The following WDR7 variants were observed in gnomAD, a reference collection of about 807,000 sequenced individuals.
WDR7 encodes the protein WD repeat-containing protein 7.
In WDR7, 46 loss-of-function variants were observed where a neutral mutation model predicts 169.4. The observed-to-expected ratio is 0.27, with a 90% CI of 0.21 to 0.35. WDR7 has a LOEUF of 0.35. Ranked by LOEUF, WDR7 falls within the 10% of genes least tolerant of loss-of-function variation. The probability of loss-of-function intolerance (pLI) is 1.00; values close to 1 mark genes in which losing one functional copy is unlikely to be tolerated. For synonymous variants in WDR7, 612 were observed against 666.8 expected (o/e 0.92, Z 1.27); for missense variants, 1,534 against 1,859.3 (o/e 0.83, Z 3.22).
chr18:56,708,286 G>A (rs1352240475), intron 12 of WDR7, among the ~76,000 whole-genome samples: 1 of 151,902 alleles, frequency 6.6e-6, no homozygotes, highest in African/African-American at 2.4e-5. Context: ...TGCCCACATC[G>A]GCCTCCCAAA....
At chr18:56,699,929 C>G in intron 12 of WDR7, 1 of 950,220 alleles carries the variant, frequency 1.1e-6, no homozygotes. Context: ...ATTTATCATC[C>G]TTTCTTTCCC....
chr18:57,031,113 G>A (rs940986789), downstream of WDR7: 2 of 152,066 alleles, frequency 1.3e-5, no homozygotes, highest in African/African-American at 4.8e-5. Context: ...TTTTTTGAGT[G>A]GTTACATTGT....
At chr18:56,875,069 A>G (rs1444903022) in intron 20 of WDR7, among the ~76,000 whole-genome samples, 1 of 152,198 alleles carries the variant, frequency 6.6e-6, no homozygotes, top group Non-Finnish European at 1.5e-5. Context: ...TGTGCCTTTC[A>G]GCACAGCTAA....
intron 9 of WDR7, among the ~76,000 whole-genome samples, chr18:56,693,874 CT>C (rs1351516130): frequency 1.3e-4 from 20 of 151,426 alleles, no homozygotes; most frequent in African/African-American, 4.4e-4. Context: ...GGCCAGCCTA[CT>C]TTTTGTTTTT....
At chr18:56,950,217 A>G (rs994407019) in intron 25 of WDR7, among the ~76,000 whole-genome samples, 1 of 152,210 alleles carries the variant, frequency 6.6e-6, no homozygotes, top group African/African-American at 2.4e-5. Context: ...TATTGAAACA[A>G]TGTGTACTCA....
intron 2 of WDR7, among the ~76,000 whole-genome samples, chr18:56,677,781 C>G (rs1162237030): frequency 1.3e-5 from 2 of 152,070 alleles, no homozygotes; most frequent in African/African-American, 4.8e-5. Context: ...TCTATAAGTA[C>G]TTGGATATTT....
At chr18:56,915,515 C>T (rs1347994615) in intron 21 of WDR7, among the ~76,000 whole-genome samples, 1 of 151,932 alleles carries the variant, frequency 6.6e-6, no homozygotes, top group African/African-American at 2.4e-5. Context: ...GACCTTTTTC[C>T]CCTTCTTCAC....
intron 20 of WDR7, among the ~76,000 whole-genome samples, chr18:56,858,978 G>T (rs2045763460): frequency 6.6e-6 from 1 of 152,146 alleles, no homozygotes; most frequent in Admixed American, 6.6e-5. Flanking sequence ...AAGAGCAAAA[G>T]ATGAAGAAGA....
At chr18:56,924,500 A>T (rs2046776131) in intron 22 of WDR7, among the ~76,000 whole-genome samples, 1 of 152,216 alleles carries the variant, frequency 6.6e-6, no homozygotes, top group African/African-American at 2.4e-5. Flanking sequence ...CCACACTCAT[A>T]TTAGCTTTTA....
chr18:56,784,780 G>A (rs182347153), intron 19 of WDR7, among the ~76,000 whole-genome samples: 21 of 152,198 alleles, frequency 1.4e-4, no homozygotes, highest in Non-Finnish European at 2.5e-4. Flanking sequence ...TTCTGTTTAT[G>A]TATTATGTTT....
At chr18:56,852,373 T>C (rs1232442748) in intron 20 of WDR7, among the ~76,000 whole-genome samples, 4 of 152,174 alleles carry the variant, frequency 2.6e-5, no homozygotes, top group Non-Finnish European at 5.9e-5. Context: ...AGTTCTGTCA[T>C]ATAATGATAT....
rs1657387 is a variant in WDR7 at position 56,949,964 on chromosome 18, C to T, written c.4064+10571C>T. 9.9e-3 allele frequency among the ~76,000 whole-genome samples: 1,501 copies of T among 152,240 alleles called. 26 individuals carry two copies. The highest frequency in any genetic ancestry group is 0.035 in the African/African-American group (1,441 of 41,532). ...TTTTTACTTAAAAGCTTGAATTTATCGTTGGCAATAAATCTTGTCAGTTGT... is the reference window on the plus strand; with the variant it reads ...TTTTTACTTAAAAGCTTGAATTTATTGTTGGCAATAAATCTTGTCAGTTGT... On this transcript the variant is annotated intron_variant, in intron 25 of 27. Transcript: ENST00000254442.
intron 20 of WDR7, among the ~76,000 whole-genome samples, chr18:56,859,770 A>T (rs1257603410): frequency 6.6e-6 from 1 of 152,202 alleles, no homozygotes; most frequent in Non-Finnish European, 1.5e-5. Context: ...TCTTTTGTTA[A>T]CACGTCTTAG....
chr18:56,753,605 C>T (rs2043828079), intron 14 of WDR7, among the ~76,000 whole-genome samples: 1 of 135,432 alleles, frequency 7.4e-6, no homozygotes, highest in African/African-American at 2.7e-5. Flanking sequence ...CCCCTCCCCC[C>T]ACCAAATTTA....
chr18:56,949,741 G>C (rs2047155022), intron 25 of WDR7, among the ~76,000 whole-genome samples: 1 of 152,154 alleles, frequency 6.6e-6, no homozygotes, highest in African/African-American at 2.4e-5. Flanking sequence ...CACTTTGAAT[G>C]GGTCTTTCAC....
At chr18:56,828,630 T>C (rs1176018911) in intron 20 of WDR7, among the ~76,000 whole-genome samples, 3 of 152,210 alleles carry the variant, frequency 2.0e-5, no homozygotes, top group Non-Finnish European at 2.9e-5. Flanking sequence ...CATACTATCA[T>C]TAAATAGTCT....
intron 1 of WDR7, among the ~76,000 whole-genome samples, chr18:56,653,075 G>C (rs2024689013): frequency 6.6e-6 from 1 of 152,100 alleles, no homozygotes; most frequent in South Asian, 2.1e-4. Context: ...ATGACATTTA[G>C]CTTTAGTGGT....
At chr18:56,758,236 A>G (rs2043927866) in intron 15 of WDR7, among the ~76,000 whole-genome samples, 1 of 152,246 alleles carries the variant, frequency 6.6e-6, no homozygotes, top group Admixed American at 6.5e-5. Context: ...CAATTCTAAC[A>G]AATACTTATA....
intron 14 of WDR7, among the ~76,000 whole-genome samples, chr18:56,734,155 C>T (rs2026646188): frequency 6.6e-6 from 1 of 152,078 alleles, no homozygotes; most frequent in Non-Finnish European, 1.5e-5. Flanking sequence ...TGCATTCTTC[C>T]TTTGGTTTTG....
Sources: allele counts gnomAD v4.1 joint callset (sites outside exome capture counted in the v4.1 genomes callset), GRCh38; gene constraint gnomAD v4.1.1; transcripts MANE v1.5; gene names NCBI Gene and HGNC (gene_info 2026-07-23, HGNC 2026-07-21).